Variants in ARID4B observed in about 807,000 individuals in gnomAD.
The protein encoded by ARID4B is AT-rich interaction domain 4B, also known as AT-rich interactive domain-containing protein 4B.
ARID4B carries 26 observed loss-of-function variants against 147.5 expected under a neutral mutation model. That is an observed-to-expected ratio of 0.18 (90% CI 0.13 to 0.24). The LOEUF is 0.24. ARID4B is among the 10% of genes least tolerant of loss of function. ARID4B has a pLI of 1.00. For synonymous variants in ARID4B, 512 were observed against 507.9 expected, an observed-to-expected ratio of 1.01 and a Z score of -0.11; for missense variants, 1,179 against 1,511.5, an observed-to-expected ratio of 0.78 and a Z score of 3.65.
intron 23 of ARID4B, among the ~76,000 whole-genome samples, chr1:235,170,185 GCTTA>G (rs751743606): frequency 2.6e-4 from 40 of 152,058 alleles, no homozygotes; most frequent in Non-Finnish European, 5.3e-4. Flanking sequence ...GGCAAATCTG[GCTTA>G]CTTGTCTTTG....
At chr1:235,251,277 T>C (rs990169123) in intron 6 of ARID4B, among the ~76,000 whole-genome samples, 1 of 149,804 alleles carries the variant, frequency 6.7e-6, no homozygotes, top group African/African-American at 2.4e-5. Context: ...AACGACCAAT[T>C]TGGGTAGAGA....
chr1:235,252,061 G>A lies in ARID4B; in HGVS notation c.354+669C>T, dbSNP rs1669679698. Among the ~76,000 whole-genome samples, 3 of 152,106 alleles carry A rather than the reference G, an allele frequency of 2.0e-5. No homozygotes were observed. In the South Asian group the frequency reaches 6.2e-4, roughly 32 times the overall value. Reference sequence around the variant, plus strand: ...TGTAAAGCACTTAGCAAAATCCCTGGCAATTATAAGCACCTCATCTATTCA... The same window carrying A: ...TGTAAAGCACTTAGCAAAATCCCTGACAATTATAAGCACCTCATCTATTCA... On this transcript the variant is annotated intron_variant, in intron 6 of 23. Transcript: ENST00000264183.
intron 2 of ARID4B, among the ~76,000 whole-genome samples, chr1:235,299,012 G>C (rs559639225): frequency 6.6e-6 from 1 of 152,068 alleles, no homozygotes; most frequent in Non-Finnish European, 1.5e-5. Flanking sequence ...AAAGCTACTC[G>C]GGAGGCAGAG....
chr1:235,252,926 A>C (rs1206850687), intron 5 of ARID4B, 117 bp from the exon 6 acceptor site: 1 of 686,174 alleles, frequency 1.5e-6, no homozygotes, highest in Admixed American at 3.4e-5. Context: ...TACATTTGGA[A>C]TTCAATTCAC....
chr1:235,275,851 C>T (rs1043993327), intron 2 of ARID4B, among the ~76,000 whole-genome samples: 5 of 152,164 alleles, frequency 3.3e-5, no homozygotes, highest in Non-Finnish European at 4.4e-5. Context: ...ATACAAAAAT[C>T]CTGGGCTGGG....
chr1:235,317,199 C>G (rs1339341791), intron 2 of ARID4B, among the ~76,000 whole-genome samples: 1 of 152,106 alleles, frequency 6.6e-6, no homozygotes. Flanking sequence ...ATTACTTTTT[C>G]TTTAATGGTA....
At chr1:235,222,565 G>C (rs959956410) in intron 13 of ARID4B, among the ~76,000 whole-genome samples, 6 of 151,630 alleles carry the variant, frequency 4.0e-5, no homozygotes, top group Admixed American at 1.3e-4. Flanking sequence ...ATGAAAAAGA[G>C]ACACAGGAAG....
intron 19 of ARID4B, among the ~76,000 whole-genome samples, chr1:235,191,684 T>A (rs1251554006): frequency 1.3e-5 from 2 of 152,200 alleles, no homozygotes; most frequent in African/African-American, 4.8e-5. Flanking sequence ...AATCAGAGTA[T>A]GACTTAGAAT....
rs553850808 is a variant in ARID4B, at chr1:235,168,291, T to C, written c.*234A>G. 1.0e-4 allele frequency: 43 copies of C among 430,870 alleles called. No individual in the cohort carries two copies. In the Admixed American group the frequency reaches 1.4e-3, roughly 14 times the overall value. The allele number at this position is 430,870 out of a possible 1,614,324, so 26.7% of individuals were successfully genotyped here. ...TTGCCACAGTGGAAGGCCTTCCAGTTACCAGACACACAATTCCCAGACAAG... is the reference window on the plus strand; with the variant it reads ...TTGCCACAGTGGAAGGCCTTCCAGTCACCAGACACACAATTCCCAGACAAG... On this transcript the variant is annotated 3_prime_UTR_variant, in exon 24 of 24. Transcript: ENST00000264183.
At chr1:235,249,446 G>A (rs1232465794) in intron 6 of ARID4B, among the ~76,000 whole-genome samples, 1 of 152,062 alleles carries the variant, frequency 6.6e-6, no homozygotes, top group East Asian at 1.9e-4. Context: ...TAGGCAGCAG[G>A]TAACATACTC....
At chr1:235,215,545 A>ATGTGTGTGTGTGTGTG (rs1324619607) in intron 16 of ARID4B, among the ~76,000 whole-genome samples, 1 of 108,960 alleles carries the variant, frequency 9.2e-6, no homozygotes, top group South Asian at 3.9e-4. Flanking sequence ...GCACACATAT[A>ATGTGTGTGTGTGTGTG]TATGTGTGTG....
intron 23 of ARID4B, among the ~76,000 whole-genome samples, chr1:235,171,364 C>T (rs891930788): frequency 2.0e-5 from 3 of 151,908 alleles, no homozygotes; most frequent in African/African-American, 4.8e-5. Flanking sequence ...ACTCAGGAGG[C>T]GGAGGTTGTA....
At chr1:235,219,160 T>C (rs2103020612) in intron 16 of ARID4B, among the ~76,000 whole-genome samples, 1 of 152,234 alleles carries the variant, frequency 6.6e-6, no homozygotes, top group South Asian at 2.1e-4. Flanking sequence ...CCACCGCACC[T>C]GGCCTGCTAA....
At chr1:235,174,668 C>T (rs1459714925) in intron 22 of ARID4B, among the ~76,000 whole-genome samples, 1 of 151,472 alleles carries the variant, frequency 6.6e-6, no homozygotes, top group African/African-American at 2.4e-5. Flanking sequence ...AAAAATTAGC[C>T]AGGTGTGGTG....
intron 18 of ARID4B, among the ~76,000 whole-genome samples, chr1:235,195,748 G>C (rs1665450284): frequency 6.6e-6 from 1 of 152,152 alleles, no homozygotes; most frequent in Non-Finnish European, 1.5e-5. Flanking sequence ...ACTGCCTTAT[G>C]GCTCCTGGTT....
intron 5 of ARID4B, among the ~76,000 whole-genome samples, chr1:235,255,264 T>TAGATAG (rs377530004): frequency 0.03 from 3,287 of 109,566 alleles, 56 homozygotes; most frequent in Middle Eastern, 0.041. Context: ...GATAGATAGA[T>TAGATAG]ATATATCTCT....
At chr1:235,315,021 G>T (rs1356483093) in intron 2 of ARID4B, among the ~76,000 whole-genome samples, 4 of 152,116 alleles carry the variant, frequency 2.6e-5, no homozygotes, top group Non-Finnish European at 5.9e-5. Context: ...AGCATTAATA[G>T]AACTTTTATA....
intron 20 of ARID4B, chr1:235,180,095 A>C (rs1432712224): frequency 6.8e-6 from 1 of 147,634 alleles, no homozygotes; most frequent in Non-Finnish European, 1.5e-5. Flanking sequence ...AAGAAAACCT[A>C]TAACAATAAA....
chr1:235,241,257 C>T (rs1453450562), intron 7 of ARID4B, among the ~76,000 whole-genome samples: 1 of 152,118 alleles, frequency 6.6e-6, no homozygotes, highest in Admixed American at 6.5e-5. Flanking sequence ...TGGACAACAA[C>T]ATATGTCCTT....
Sources: gnomAD v4.1 joint callset for allele counts (sites outside exome capture counted in the v4.1 genomes callset) on GRCh38, gnomAD v4.1.1 for gene constraint, MANE v1.5 for transcripts, NCBI Gene and HGNC (gene_info 2026-07-23, HGNC 2026-07-21) for gene names.